The following PIP4K2A variants were observed in gnomAD, a reference collection of about 807,000 sequenced individuals.
The protein encoded by PIP4K2A is phosphatidylinositol-5-phosphate 4-kinase type 2 alpha.
In PIP4K2A, 14 loss-of-function variants were observed where a neutral mutation model predicts 42.9. The observed-to-expected ratio is 0.33, with a 90% confidence interval of 0.22 to 0.51. The LOEUF (loss-of-function observed/expected upper bound fraction) is 0.51. PIP4K2A is among the 20% of genes least tolerant of loss of function. The pLI is 0.97. For missense variants in PIP4K2A, 434 were observed against 519.8 expected (o/e 0.83, Z 1.61); for synonymous variants, 192 against 192.2 (o/e 1.00, Z 0.01).
chr10:22,545,383 C>T (rs1644672861), intron 7 of PIP4K2A, among the ~76,000 whole-genome samples: 1 of 152,236 alleles, frequency 6.6e-6, no homozygotes, highest in African/African-American at 2.4e-5. Context: ...CTGTGATTAA[C>T]TTGCCAAAGG....
rs1364827686 is a variant in PIP4K2A, at chr10:22,664,107, A to G, written c.144+50076T>C. ...TATATATACATATATATATATACAT[A>G]TATATATACATATATATATATACAT... is the stretch of plus-strand genomic sequence containing the variant. On this transcript the variant is annotated intron_variant, in intron 1 of 9. Transcript: ENST00000376573. 6.0e-4 allele frequency among the ~76,000 whole-genome samples: 42 copies of G among 70,144 alleles called. 1 individual carries two copies. Among genetic ancestry groups the G allele is most frequent in the Non-Finnish European group, 8.4e-4 (35 of 41,450 alleles). The allele number at this position is 70,144 out of a possible 152,430, so 46.0% of individuals were successfully genotyped here. A position where few individuals can be genotyped will look rare whatever the true frequency, so the allele number is the denominator to read the frequency against.
chr10:22,692,309 C>T (rs1194115159), intron 1 of PIP4K2A, among the ~76,000 whole-genome samples: 7 of 151,984 alleles, frequency 4.6e-5, no homozygotes, highest in Non-Finnish European at 1.0e-4. Flanking sequence ...AGAGCTCAGG[C>T]GGTAATGTGA....
chr10:22,664,228 T>TACATATATATACATATATATATATAC (rs1839304174), intron 1 of PIP4K2A, among the ~76,000 whole-genome samples: 2 of 89,886 alleles, frequency 2.2e-5, no homozygotes, highest in African/African-American at 1.2e-4. Flanking sequence ...CATATATATA[T>TACATATATATACATATATATATATAC]ACACACACAC....
chr10:22,647,354 G>A (rs1053741630), intron 1 of PIP4K2A, among the ~76,000 whole-genome samples: 13 of 152,046 alleles, frequency 8.6e-5, no homozygotes, highest in East Asian at 7.7e-4. Flanking sequence ...GCGCGTGTGC[G>A]TGTGTTTTCA....
At chr10:22,668,886 A>G (rs528174038) in intron 1 of PIP4K2A, among the ~76,000 whole-genome samples, 2 of 152,280 alleles carry the variant, frequency 1.3e-5, no homozygotes, top group African/African-American at 4.8e-5. Context: ...CAAATAAGAT[A>G]ATTTAACAGT....
chr10:22,701,723 T>G (rs974710581), intron 1 of PIP4K2A, among the ~76,000 whole-genome samples: 1 of 152,230 alleles, frequency 6.6e-6, no homozygotes, highest in Non-Finnish European at 1.5e-5. Flanking sequence ...GAATAAAATA[T>G]GTTCTTAAAC....
In PIP4K2A at chr10:22,696,435, CTT is replaced by C. The variant is rs1839974853; in HGVS notation, c.144+17746_144+17747del. 2.0e-5 allele frequency among the ~76,000 whole-genome samples: 3 copies of C among 152,114 alleles called. No individual in the cohort carries two copies. In the South Asian group the frequency reaches 6.2e-4, roughly 31 times the overall value. On this transcript the variant is annotated intron_variant, in intron 1 of 9. Transcript: ENST00000376573. ...ATTGAAATGAATCCTTAAATGGTCTCTTGATTTGAAGGTTCAGAAATGGGAAT... is the reference window on the plus strand; with the variant it reads ...ATTGAAATGAATCCTTAAATGGTCTCGATTTGAAGGTTCAGAAATGGGAAT...
intron 1 of PIP4K2A, among the ~76,000 whole-genome samples, chr10:22,667,769 T>A (rs1343652091): frequency 6.6e-6 from 1 of 152,080 alleles, no homozygotes; most frequent in African/African-American, 2.4e-5. Flanking sequence ...TTTGTAACAA[T>A]TTTAAAAGTC....
intron 1 of PIP4K2A, among the ~76,000 whole-genome samples, chr10:22,626,502 T>C (rs1236682259): frequency 6.6e-6 from 1 of 152,258 alleles, no homozygotes; most frequent in Non-Finnish European, 1.5e-5. Context: ...CCACACTACA[T>C]TTCTTACATA....
chr10:22,569,265 C>T (rs1564424679), intron 5 of PIP4K2A, among the ~76,000 whole-genome samples: 3 of 152,166 alleles, frequency 2.0e-5, no homozygotes, highest in Non-Finnish European at 2.9e-5. Context: ...CTGGAAGATC[C>T]GAGGGACGCT....
intron 1 of PIP4K2A, among the ~76,000 whole-genome samples, chr10:22,620,467 G>A (rs1352220822): frequency 6.6e-6 from 1 of 152,212 alleles, no homozygotes; most frequent in Admixed American, 6.5e-5. Flanking sequence ...CTGGCCTTGA[G>A]CAAAGTGCCC....
chr10:22,659,249 C>T (rs184159410), intron 1 of PIP4K2A, among the ~76,000 whole-genome samples: 6 of 152,316 alleles, frequency 3.9e-5, no homozygotes, highest in Admixed American at 2.0e-4. Context: ...ATACTCATAA[C>T]ACGTCTTTAT....
At chr10:22,693,380 A>G (rs1839912285) in intron 1 of PIP4K2A, among the ~76,000 whole-genome samples, 1 of 152,148 alleles carries the variant, frequency 6.6e-6, no homozygotes, top group African/African-American at 2.4e-5. Context: ...CAAGGATTTC[A>G]CCATCATCAC....
intron 1 of PIP4K2A, among the ~76,000 whole-genome samples, chr10:22,657,567 G>C (rs1839126898): frequency 6.6e-6 from 1 of 152,162 alleles, no homozygotes; most frequent in African/African-American, 2.4e-5. Flanking sequence ...CAGACGCACT[G>C]CTTTGACACG....
intron 4 of PIP4K2A, among the ~76,000 whole-genome samples, chr10:22,590,763 G>C (rs1349965767): frequency 2.0e-5 from 3 of 152,078 alleles, no homozygotes; most frequent in Admixed American, 2.0e-4. Flanking sequence ...CCAGCTACTT[G>C]GGAGGCTGGG....
intron 1 of PIP4K2A, among the ~76,000 whole-genome samples, chr10:22,634,529 CGCTT>C (rs1272516033): frequency 6.6e-6 from 1 of 152,140 alleles, no homozygotes; most frequent in African/African-American, 2.4e-5. Flanking sequence ...GGCATTTACT[CGCTT>C]GTTTCTTATA....
At chr10:22,590,545 G>A (rs905888764) in intron 4 of PIP4K2A, among the ~76,000 whole-genome samples, 2 of 152,070 alleles carry the variant, frequency 1.3e-5, no homozygotes, top group Non-Finnish European at 2.9e-5. Context: ...TTATTATCCC[G>A]ACTGTATAAA....
rs530552428 is a variant in PIP4K2A, at chr10:22,669,694, G to A, written c.144+44489C>T. Among the ~76,000 whole-genome samples, 6 of 152,262 alleles carry A rather than the reference G, an allele frequency of 3.9e-5. No homozygotes were observed. The South Asian group carries it at 1.2e-3, about 32-fold the overall frequency. Reference sequence around the variant, plus strand: ...GACACCACGGATGCAGGATACAGACGGTCTGCGACTTGCCAAGTTCCAGGT... The same window carrying A: ...GACACCACGGATGCAGGATACAGACAGTCTGCGACTTGCCAAGTTCCAGGT... On this transcript the variant is annotated intron_variant, in intron 1 of 9. Transcript: ENST00000376573.
rs765271244 is a variant in PIP4K2A, at chr10:22,550,650, T to G, written c.792+9A>C. 5 of 1,387,210 alleles carry G rather than the reference T, an allele frequency of 3.6e-6. No individual in the cohort carries two copies. In the East Asian group the frequency reaches 1.1e-4, roughly 32 times the overall value. 85.9% of individuals were successfully genotyped at this position (1,387,210 alleles called of 1,614,324 possible). A position where few individuals can be genotyped will look rare whatever the true frequency, so the allele number is the denominator to read the frequency against. On this transcript the variant is annotated intron_variant, in intron 7 of 9. Coordinates refer to ENST00000376573, the MANE Select transcript of PIP4K2A (RefSeq NM_005028.5). ...CAATGAGTCTGGCCTCTCCACTGAC[T>G]GTTCTTACCTCAACATCCTTTTTTA...
Sources: allele counts gnomAD v4.1 joint callset (sites outside exome capture counted in the v4.1 genomes callset), GRCh38; gene constraint gnomAD v4.1.1; transcripts MANE v1.5; gene names NCBI Gene and HGNC (gene_info 2026-07-23, HGNC 2026-07-21).